The following ZBTB7A variants were observed in gnomAD, a reference collection of about 807,000 sequenced individuals.
ZBTB7A encodes zinc finger and BTB domain-containing protein 7A.
A neutral mutation model predicts 26.7 loss-of-function variants in ZBTB7A; 7 were observed. The observed-to-expected ratio is 0.26, with a 90% CI of 0.15 to 0.49. The LOEUF is 0.49. Among genes scored for constraint, ZBTB7A ranks in the 20% least tolerant of loss-of-function variants. The pLI is 0.98. For synonymous variants in ZBTB7A, 452 were observed against 441.0 expected (o/e 1.02, Z -0.31); for missense variants, 617 against 919.5 (o/e 0.67, Z 4.25).
chr19:4,053,658 GTCTGTA>G (rs2040531546), intron 2 of ZBTB7A, among the ~76,000 whole-genome samples: 1 of 149,822 alleles, frequency 6.7e-6, no homozygotes, highest in African/African-American at 2.5e-5. Flanking sequence ...TGTGTAGCAT[GTCTGTA>G]TGTGTATGTG....
chr19:4,059,057 G>A (rs1445732667), intron 1 of ZBTB7A, among the ~76,000 whole-genome samples: 1 of 152,186 alleles, frequency 6.6e-6, no homozygotes, highest in African/African-American at 2.4e-5. Context: ...CCCTTTGGTG[G>A]TGTCCACCCC....
intron 1 of ZBTB7A, among the ~76,000 whole-genome samples, chr19:4,063,344 C>T (rs1483306942): frequency 6.6e-6 from 1 of 152,198 alleles, no homozygotes; most frequent in Non-Finnish European, 1.5e-5. Context: ...CTCCTTGGAG[C>T]ATCTGGGCTG....
At chr19:4,053,853 ATG>A in intron 2 of ZBTB7A, 116 bp downstream of exon 2, 1 of 1,189,800 alleles carries the variant, frequency 8.4e-7, no homozygotes, top group Non-Finnish European at 1.2e-6. Context: ...ACGTGCGTGT[ATG>A]TGTGCGTCTG....
chr19:4,055,293 G>A, intron 1 of ZBTB7A, 46 bp from the exon 2 acceptor site: 4 of 1,434,390 alleles, frequency 2.8e-6, no homozygotes, highest in Non-Finnish European at 3.6e-6. Flanking sequence ...GGGGGTGCGG[G>A]GGTTCCTGTG....
intron 2 of ZBTB7A, among the ~76,000 whole-genome samples, chr19:4,049,160 G>A (rs2040464870): frequency 6.3e-5 from 1 of 15,870 alleles, no homozygotes; most frequent in Non-Finnish European, 1.6e-4. Context: ...GTGTGTGTGT[G>A]TGTGTGTGTA....
intron 1 of ZBTB7A, among the ~76,000 whole-genome samples, chr19:4,064,391 C>A (rs2040669840): frequency 6.6e-6 from 1 of 152,232 alleles, no homozygotes; most frequent in Non-Finnish European, 1.5e-5. Flanking sequence ...GCCCCGGCCC[C>A]GCCGATAGGT....
chr19:4,047,963 G>A lies in ZBTB7A; in HGVS notation c.1544C>T (p.Thr515Ile). ...CTGGGCGGGGGCGCCGGGGGTCGCG[G>A]TGGCCCCCGGGCTGGGGTCGGGCGC... ...GGAPDPSPGA[T>I]ATPGAPAQPS... Residue 515 changes from threonine to isoleucine, a missense_variant, in exon 3 of 3, where the codon ACC becomes ATC. Thr to Ile is a moderately conservative substitution (Grantham distance 89, BLOSUM62 -1). Coordinates refer to ENST00000322357, the MANE Select transcript of ZBTB7A (RefSeq NM_015898.4). 2 of 1,247,532 alleles carry A rather than the reference G, an allele frequency of 1.6e-6. No homozygotes were observed. Among genetic ancestry groups the A allele is most frequent in the Non-Finnish European group, 2.0e-6 (2 of 984,002 alleles). The allele number at this position is 1,247,532 out of a possible 1,614,324, so 77.3% of individuals were successfully genotyped here.
In ZBTB7A at chr19:4,052,929, C is replaced by T. The variant is rs533148450; in HGVS notation, c.1262+1042G>A. On this transcript the variant is annotated intron_variant, in intron 2 of 2. Transcript: ENST00000322357. The surrounding 1 kb of genome is among the most constrained non-coding windows in gnomAD (Gnocchi z 4.9). ...GCTGCTCCTCCCCTCCTTCAGGTTC[C>T]GGCAAGGCCTGTCCCCGGCGCCTAG... is the stretch of plus-strand genomic sequence containing the variant. Among the ~76,000 whole-genome samples, 204 of 152,306 alleles carry T rather than the reference C, an allele frequency of 1.3e-3. No homozygotes were observed. Among genetic ancestry groups the T allele is most frequent in the African/African-American group, 4.1e-3 (172 of 41,552 alleles).
At chr19:4,064,003 A>C (rs867214488) in intron 1 of ZBTB7A, among the ~76,000 whole-genome samples, 1 of 152,250 alleles carries the variant, frequency 6.6e-6, no homozygotes, top group African/African-American at 2.4e-5. Context: ...AGAAAAGGAA[A>C]AAACAAACAA....
intron 1 of ZBTB7A, among the ~76,000 whole-genome samples, chr19:4,057,025 T>C (rs2040586771): frequency 9.4e-6 from 1 of 106,320 alleles, no homozygotes; most frequent in East Asian, 2.6e-4. Context: ...AGACTCGGTC[T>C]GAAAAAAAAA....
At position 4,046,317 on chromosome 19, in the gene ZBTB7A, G is replaced by T; in HGVS notation, c.*1435C>A. On this transcript the variant is annotated 3_prime_UTR_variant, in exon 3 of 3. Transcript: ENST00000322357. ...CCCCCTTCTCGCTTTTTGGGGAACA[G>T]AAGTGGATTCTACGTTTGTGGTGGG... The T allele has an allele frequency of 2.8e-6, 1 of 355,308 alleles. No individual in the cohort carries two copies. The highest frequency in any genetic ancestry group is 5.0e-6 in the Non-Finnish European group (1 of 199,564). 22.0% of individuals were successfully genotyped at this position (355,308 alleles called of 1,614,324 possible). A position where few individuals can be genotyped will look rare whatever the true frequency, so the allele number is the denominator to read the frequency against.
At chr19:4,055,650 G>A (rs2040569916) in intron 1 of ZBTB7A, 1 of 196,650 alleles carries the variant, frequency 5.1e-6, no homozygotes, top group African/African-American at 2.4e-5. Flanking sequence ...GTGAAACCCC[G>A]TCTCTACTAA....
rs913156308 is a variant in ZBTB7A, at chr19:4,052,662, A to C, written c.1262+1309T>G. ...TGGTGCTGAGTCACCCAGCCTGGCC[A>C]GGTCCCTGCCTGCCAGCCCCCTGCC... On this transcript the variant is annotated intron_variant, in intron 2 of 2. Coordinates refer to ENST00000322357, the MANE Select transcript of ZBTB7A (RefSeq NM_015898.4). The surrounding 1 kb of genome is among the most constrained non-coding windows in gnomAD (Gnocchi z 4.9). Among the ~76,000 whole-genome samples the C allele has an allele frequency of 5.9e-5, 9 of 151,862 alleles. No individual in the cohort carries two copies. In the East Asian group the frequency reaches 1.4e-3, roughly 23 times the overall value.
chr19:4,059,509 G>T (rs1050933416), intron 1 of ZBTB7A, among the ~76,000 whole-genome samples: 2 of 152,248 alleles, frequency 1.3e-5, no homozygotes, highest in African/African-American at 2.4e-5. Context: ...GAAAGCCCCC[G>T]TGAGAGGACT....
intron 2 of ZBTB7A, among the ~76,000 whole-genome samples, chr19:4,050,312 C>T (rs1007074324): frequency 1.3e-5 from 2 of 152,186 alleles, no homozygotes; most frequent in Non-Finnish European, 2.9e-5. Context: ...CCGCCTGCCT[C>T]GGCCTCCCAA....
chr19:4,065,748 C>T (rs962555788), intron 1 of ZBTB7A: 5 of 138,196 alleles, frequency 3.6e-5, no homozygotes, highest in Non-Finnish European at 7.9e-5. Context: ...ACCCCCCCCC[C>T]ACGGGCGGGG....
Position 4,048,330 on chromosome 19 carries a change from C to A in ZBTB7A, c.1263-86G>T. ...AGGGACCCTCACGGACACGGCAGGC[C>A]CTGGATCATCACCCTTGCAGAACAC... On this transcript the variant is annotated intron_variant, in intron 2 of 2. Transcript: ENST00000322357. This position sits in a 1 kb window ranked among gnomAD's most constrained non-coding sequence, Gnocchi z 6.7. The A allele has an allele frequency of 7.0e-7, 1 of 1,436,524 alleles. No individual in the cohort carries two copies. Among genetic ancestry groups the A allele is most frequent in the Non-Finnish European group, 9.1e-7 (1 of 1,101,722 alleles). 89.0% of individuals were successfully genotyped at this position (1,436,524 alleles called of 1,614,324 possible).
intron 1 of ZBTB7A, among the ~76,000 whole-genome samples, chr19:4,057,253 C>A (rs2040590186): frequency 6.6e-6 from 1 of 151,814 alleles, no homozygotes; most frequent in Non-Finnish European, 1.5e-5. Context: ...GAGGCTGAGG[C>A]AGGAGAATCG....
chr19:4,055,971 C>T (rs2144996637), intron 1 of ZBTB7A, among the ~76,000 whole-genome samples: 1 of 152,354 alleles, frequency 6.6e-6, no homozygotes, highest in South Asian at 2.1e-4. Context: ...TCCCGGCTCC[C>T]CAGCCTCAGT....
Sources: gnomAD v4.1 joint callset for allele counts (sites outside exome capture counted in the v4.1 genomes callset) on GRCh38, gnomAD v4.1.1 for gene constraint, Gnocchi (gnomAD v3.1) non-coding constraint, MANE v1.5 for transcripts, NCBI Gene and HGNC (gene_info 2026-07-23, HGNC 2026-07-21) for gene names.